Variants in ZNF280D observed in about 807,000 individuals in gnomAD.
The protein encoded by ZNF280D is zinc finger protein 280D.
In ZNF280D, 39 loss-of-function variants were observed where a neutral mutation model predicts 94.7. The ratio of observed to expected loss-of-function variants is 0.41; its 90% CI spans 0.32 to 0.54. The LOEUF (loss-of-function observed/expected upper bound fraction) is 0.54. Ranked by LOEUF, ZNF280D falls within the 20% of genes least tolerant of loss-of-function variation. The pLI, the probability that ZNF280D is intolerant of heterozygous loss-of-function variation, is 0.22. For synonymous variants in ZNF280D, 398 were observed against 377.6 expected, an observed-to-expected ratio of 1.05 and a Z score of -0.63; for missense variants, 1,090 against 1,149.3, an observed-to-expected ratio of 0.95 and a Z score of 0.75.
At chr15:56,652,817 T>C (rs2053286913) in intron 19 of ZNF280D, 1 of 984,252 alleles carries the variant, frequency 1.0e-6, no homozygotes, top group African/African-American at 1.7e-5. Context: ...GAGTATCTAA[T>C]AATGTTTAAT....
intron 13 of ZNF280D, among the ~76,000 whole-genome samples, chr15:56,675,586 T>C (rs928569490): frequency 1.1e-4 from 16 of 152,142 alleles, no homozygotes; most frequent in African/African-American, 3.4e-4. Flanking sequence ...TAATTTACTA[T>C]ATGTAATTGG....
At chr15:56,676,852 A>T in intron 12 of ZNF280D, 36 bp from the exon 13 acceptor site, 3 of 1,474,022 alleles carry the variant, frequency 2.0e-6, no homozygotes, top group Non-Finnish European at 2.8e-6. Context: ...TAACTTGAAA[A>T]TTTAAAACTG....
intron 5 of ZNF280D, 50 bp from the exon 6 acceptor site, chr15:56,701,122 T>C (rs1222064931): frequency 1.2e-6 from 2 of 1,610,806 alleles, no homozygotes; most frequent in African/African-American, 2.7e-5. Context: ...ACATAATCAA[T>C]TTTGTCAAAA....
intron 1 of ZNF280D, among the ~76,000 whole-genome samples, chr15:56,726,212 T>TAA (rs34490275): frequency 7.6e-4 from 112 of 147,798 alleles, no homozygotes; most frequent in African/African-American, 1.3e-3. Flanking sequence ...TACAACAGGC[T>TAA]AAAAAAAAAA....
intron 4 of ZNF280D, among the ~76,000 whole-genome samples, chr15:56,702,629 A>G (rs1414475683): frequency 6.6e-6 from 1 of 152,158 alleles, no homozygotes; most frequent in Non-Finnish European, 1.5e-5. Flanking sequence ...ATATTTCAGT[A>G]TAAAACAATA....
intron 13 of ZNF280D, 101 bp from the exon 14 acceptor site, chr15:56,669,058 G>C: frequency 2.7e-6 from 3 of 1,125,626 alleles, no homozygotes; most frequent in Non-Finnish European, 3.7e-6. Flanking sequence ...CCTAAATAAT[G>C]TAAAAACTTG....
At chr15:56,655,485 G>T (rs1013731558) in intron 17 of ZNF280D, among the ~76,000 whole-genome samples, 1 of 152,218 alleles carries the variant, frequency 6.6e-6, no homozygotes, top group Non-Finnish European at 1.5e-5. Flanking sequence ...GATTACAGGC[G>T]TGAGCCACTG....
At position 56,631,756 on chromosome 15, in the gene ZNF280D, A is replaced by T; in HGVS notation, c.2682T>A (p.Asp894Glu). The change falls in exon 22 of 22, where the codon GAT (aspartate) becomes GAA (glutamate). Residue 894 changes from aspartate (D) to glutamate (E), a missense_variant. By Grantham distance (45) the Asp-to-Glu change is conservative (BLOSUM62 2). Around this residue, in one of 3 missense-constraint regions of ZNF280D, gnomAD observed 577 missense variants for 568.8 expected, o/e 1.01. Coordinates refer to ENST00000267807, the MANE Select transcript of ZNF280D (RefSeq NM_017661.4). The part of the protein sequence containing the change: ...LRLASDNVSI[D>E]QFLRKRHEPE... ...GTTCATGTCTTTTTCTCAAAAACTG[A>T]TCAATGCTTACATTATCTGATGCTA... 1 of 1,614,188 alleles carries T rather than the reference A, an allele frequency of 6.2e-7. No homozygotes were observed. The highest frequency in any genetic ancestry group is 8.5e-7 in the Non-Finnish European group (1 of 1,180,018).
At chr15:56,680,864 A>G (rs956327409) in intron 10 of ZNF280D, among the ~76,000 whole-genome samples, 8 of 152,214 alleles carry the variant, frequency 5.3e-5, no homozygotes, top group Non-Finnish European at 8.8e-5. Flanking sequence ...ATATTTCAGT[A>G]CAAGACATTA....
At chr15:56,647,857 C>A (rs1181721043) in intron 19 of ZNF280D, among the ~76,000 whole-genome samples, 1 of 152,114 alleles carries the variant, frequency 6.6e-6, no homozygotes, top group Non-Finnish European at 1.5e-5. Flanking sequence ...CTTCATATAA[C>A]TTCAAAATCA....
chr15:56,700,645 T>C (rs2057006889), intron 6 of ZNF280D: 3 of 1,314,430 alleles, frequency 2.3e-6, no homozygotes, highest in Admixed American at 3.6e-5. Context: ...CATTATGCAA[T>C]ATTTATGGCT....
intron 1 of ZNF280D, chr15:56,730,422 C>T (rs2058829534): frequency 6.6e-6 from 1 of 152,164 alleles, no homozygotes; most frequent in Non-Finnish European, 1.5e-5. Flanking sequence ...TCACCTAAAA[C>T]TACAGTTGAC....
chr15:56,649,502 T>C (rs1286115589), intron 19 of ZNF280D, among the ~76,000 whole-genome samples: 1 of 152,118 alleles, frequency 6.6e-6, no homozygotes, highest in Admixed American at 6.6e-5. Context: ...CGGTTTGAGA[T>C]ATTAATGTCT....
chr15:56,637,881 A>G (rs2052432907), intron 20 of ZNF280D, among the ~76,000 whole-genome samples: 2 of 152,158 alleles, frequency 1.3e-5, no homozygotes, highest in African/African-American at 2.4e-5. Flanking sequence ...CTTTGAGCTC[A>G]TATCTTTTTA....
intron 19 of ZNF280D, among the ~76,000 whole-genome samples, chr15:56,648,313 T>C (rs1451602851): frequency 6.6e-6 from 1 of 152,130 alleles, no homozygotes; most frequent in Admixed American, 6.5e-5. Context: ...GCAGTATTTC[T>C]ATGAAGTTTG....
chr15:56,642,491 A>G (rs1467401617), intron 20 of ZNF280D, among the ~76,000 whole-genome samples: 1 of 151,846 alleles, frequency 6.6e-6, no homozygotes, highest in African/African-American at 2.4e-5. Flanking sequence ...CATTTATATG[A>G]TAATTCTGAG....
At chr15:56,664,399 A>C (rs2054153972) in intron 16 of ZNF280D, among the ~76,000 whole-genome samples, 1 of 152,182 alleles carries the variant, frequency 6.6e-6, no homozygotes, top group Admixed American at 6.5e-5. Context: ...AGAAGGAACC[A>C]TATAGAGAGA....
In ZNF280D at chr15:56,630,996, C is replaced by T. The variant is rs1375877612; in HGVS notation, c.*502G>A. 6.4e-6 allele frequency: 1 copy of T among 156,492 alleles called. No homozygotes were observed. Among genetic ancestry groups the T allele is most frequent in the East Asian group, 1.9e-4 (1 of 5,334 alleles). The allele number at this position is 156,492 out of a possible 1,614,324, so 9.7% of individuals were successfully genotyped here. A position where few individuals can be genotyped will look rare whatever the true frequency, so the allele number is the denominator to read the frequency against. On this transcript the variant is annotated 3_prime_UTR_variant, in exon 22 of 22. Transcript: ENST00000267807. ...TAGTACTCTAAGCATGCTCCATTTA[C>T]CAGCATCATCCTCACAAATAAAGCC...
At chr15:56,653,490 T>A in intron 19 of ZNF280D, 1 of 1,514,242 alleles carries the variant, frequency 6.6e-7, no homozygotes, top group East Asian at 2.6e-5. Flanking sequence ...ACAGTCAAAT[T>A]ATTCACATTC....
Sources: gnomAD v4.1 joint callset for allele counts (sites outside exome capture counted in the v4.1 genomes callset) on GRCh38, gnomAD v4.1.1 for gene constraint, gnomAD v4.1.1 regional missense constraint, MANE v1.5 for transcripts, NCBI Gene and HGNC (gene_info 2026-07-23, HGNC 2026-07-21) for gene names.